NPR3: variants seen among roughly 807,000 people sequenced by gnomAD.
The protein encoded by NPR3 is atrial natriuretic peptide receptor 3.
NPR3 carries 34 observed loss-of-function variants against 54.5 expected under a neutral mutation model. The observed-to-expected ratio is 0.62, with a 90% CI of 0.47 to 0.83. The LOEUF (loss-of-function observed/expected upper bound fraction) is 0.83. Among genes scored for constraint, NPR3 ranks in the 40% least tolerant of loss-of-function variants. The pLI, the probability that NPR3 is intolerant of heterozygous loss-of-function variation, is 0.00. For synonymous variants in NPR3, 289 were observed against 297.1 expected, an observed-to-expected ratio of 0.97 and a Z score of 0.28; for missense variants, 674 against 720.8, an observed-to-expected ratio of 0.94 and a Z score of 0.74.
chr5:32,718,270 G>A (rs907279364), intron 1 of NPR3, among the ~76,000 whole-genome samples: 6 of 152,184 alleles, frequency 3.9e-5, no homozygotes, highest in African/African-American at 1.2e-4. Context: ...AAGTCAGGTA[G>A]CATGATGCCT....
chr5:32,720,018 C>T (rs1738770496), intron 1 of NPR3, among the ~76,000 whole-genome samples: 1 of 152,102 alleles, frequency 6.6e-6, no homozygotes, highest in African/African-American at 2.4e-5. Flanking sequence ...TTGATAAAAG[C>T]AGTTGAACAT....
At chr5:32,724,886 A>T in intron 2 of NPR3, 66 bp downstream of exon 2, 1 of 1,576,202 alleles carries the variant, frequency 6.3e-7, no homozygotes, top group Admixed American at 1.7e-5. Flanking sequence ...ATGCCCATGA[A>T]TGGTGGGTTG....
Position 32,774,228 on chromosome 5 carries a change from A to G in NPR3, c.1060-480A>G, listed in dbSNP as rs73755321. On this transcript the variant is annotated intron_variant, in intron 3 of 7. Transcript: ENST00000265074. ...TCTTCTTTGTACCCATAGCACCAGCACTCTAGTAGATATCAACAGTTGCTA... is the reference window on the plus strand; with the variant it reads ...TCTTCTTTGTACCCATAGCACCAGCGCTCTAGTAGATATCAACAGTTGCTA... Among the ~76,000 whole-genome samples, 357 of 152,310 alleles carry G rather than the reference A, an allele frequency of 2.3e-3. 2 individuals carry two copies. The highest frequency in any genetic ancestry group is 8.3e-3 in the African/African-American group (346 of 41,558).
Position 32,775,717 on chromosome 5 carries a change from C to T in NPR3, c.1195+874C>T, listed in dbSNP as rs187711545. Among the ~76,000 whole-genome samples, 8 of 152,086 alleles carry T rather than the reference C, an allele frequency of 5.3e-5. No individual in the cohort carries two copies. In the East Asian group the frequency reaches 1.5e-3, roughly 29 times the overall value. ...GGTTCAAGTGATTCTCGTACCTCAG[C>T]CTCCTGAGTAGCTGGGATTACAAGC... On this transcript the variant is annotated intron_variant, in intron 4 of 7. Coordinates refer to ENST00000265074, the MANE Select transcript of NPR3 (RefSeq NM_001204375.2).
In NPR3 at chr5:32,744,123, G is replaced by A. The variant is rs188737596; in HGVS notation, c.1059+5093G>A. ...TTCTCCTGCCTCAGCCTCCCAAGTAGCTGAGATTACAGGCACGTGCCGCCA... is the reference window on the plus strand; with the variant it reads ...TTCTCCTGCCTCAGCCTCCCAAGTAACTGAGATTACAGGCACGTGCCGCCA... On this transcript the variant is annotated intron_variant, in intron 3 of 7. Transcript: ENST00000265074. Among the ~76,000 whole-genome samples, 590 of 151,480 alleles carry A rather than the reference G, an allele frequency of 3.9e-3. 2 individuals are homozygous for A. The highest frequency in any genetic ancestry group is 0.014 in the African/African-American group (567 of 41,218).
chr5:32,692,770 A>G (rs1740425925), intron 1 of NPR3, among the ~76,000 whole-genome samples: 1 of 152,218 alleles, frequency 6.6e-6, no homozygotes, highest in South Asian at 2.1e-4. Flanking sequence ...ATAAAAGGGA[A>G]CACACTGATT....
At chr5:32,761,830 AT>A (rs1741181203) in intron 3 of NPR3, among the ~76,000 whole-genome samples, 1 of 151,854 alleles carries the variant, frequency 6.6e-6, no homozygotes, top group Non-Finnish European at 1.5e-5. Context: ...TCTGGGATAC[AT>A]ATGCAGAATG....
intron 3 of NPR3, among the ~76,000 whole-genome samples, chr5:32,750,240 T>G (rs1740507641): frequency 6.6e-6 from 1 of 152,216 alleles, no homozygotes; most frequent in Admixed American, 6.5e-5. Flanking sequence ...GCAATTCTCC[T>G]GCTTCAGCCT....
At chr5:32,691,350 T>C (rs1489869987) in intron 1 of NPR3, among the ~76,000 whole-genome samples, 4 of 152,222 alleles carry the variant, frequency 2.6e-5, no homozygotes, top group African/African-American at 9.6e-5. Context: ...AATACTGGGA[T>C]TTTACTTAGG....
chr5:32,710,530 T>TG, upstream of NPR3: 1 of 1,051,496 alleles, frequency 9.5e-7, no homozygotes, highest in Non-Finnish European at 1.3e-6. Flanking sequence ...GTCCGTGAGC[T>TG]GGGACACTGT....
At chr5:32,776,402 T>A (rs1445026070) in intron 4 of NPR3, among the ~76,000 whole-genome samples, 3 of 152,242 alleles carry the variant, frequency 2.0e-5, no homozygotes, top group Non-Finnish European at 1.5e-5. Context: ...TTGAAGAATT[T>A]TTGTGAGTCC....
chr5:32,774,025 G>A (rs570890379), intron 3 of NPR3, among the ~76,000 whole-genome samples: 4 of 152,300 alleles, frequency 2.6e-5, no homozygotes, highest in Admixed American at 2.6e-4. Flanking sequence ...GCTCAACTGG[G>A]ATATACCAAC....
chr5:32,736,230 CA>C (rs56211529), intron 2 of NPR3, among the ~76,000 whole-genome samples: 12,382 of 64,942 alleles, frequency 0.19, 295 homozygotes, highest in African/African-American at 0.28. Context: ...CACTCTGTCT[CA>C]AAAAAAAAAA....
chr5:32,769,227 A>G (rs1345090903), intron 3 of NPR3, among the ~76,000 whole-genome samples: 1 of 152,240 alleles, frequency 6.6e-6, no homozygotes, highest in Non-Finnish European at 1.5e-5. Flanking sequence ...AGGAAATTGA[A>G]CAAAAATCGA....
chr5:32,765,612 A>G (rs1258865426), intron 3 of NPR3, among the ~76,000 whole-genome samples: 1 of 152,188 alleles, frequency 6.6e-6, no homozygotes, highest in Non-Finnish European at 1.5e-5. Context: ...CAGTATCGGG[A>G]ACACAGATGC....
intron 3 of NPR3, among the ~76,000 whole-genome samples, chr5:32,749,879 A>C (rs554109351): frequency 6.6e-6 from 1 of 152,286 alleles, no homozygotes; most frequent in Admixed American, 6.5e-5. Flanking sequence ...GTTAGGGAGG[A>C]GATCCGACTC....
intron 1 of NPR3, among the ~76,000 whole-genome samples, chr5:32,697,214 T>G (rs1740552918): frequency 6.6e-6 from 1 of 152,150 alleles, no homozygotes; most frequent in Non-Finnish European, 1.5e-5. Flanking sequence ...TATTCAATGC[T>G]TTTTCAGCAT....
At chr5:32,699,758 T>C (rs150539251) in intron 1 of NPR3, among the ~76,000 whole-genome samples, 81 of 152,376 alleles carry the variant, frequency 5.3e-4, no homozygotes, top group African/African-American at 1.9e-3. Context: ...TTCTGTGCTT[T>C]TCTGTGTACC....
chr5:32,690,908 G>GA (rs1298261916), intron 1 of NPR3, among the ~76,000 whole-genome samples: 1 of 152,236 alleles, frequency 6.6e-6, no homozygotes, highest in African/African-American at 2.4e-5. Flanking sequence ...TGTTCCAGCT[G>GA]ACCACCCCGG....
Sources: allele counts gnomAD v4.1 joint callset (sites outside exome capture counted in the v4.1 genomes callset), GRCh38; gene constraint gnomAD v4.1.1; transcripts MANE v1.5; gene names NCBI Gene and HGNC (gene_info 2026-07-23, HGNC 2026-07-21).